Variants in POC1B observed in about 807,000 individuals in gnomAD.
POC1B encodes the protein POC1 centriolar protein homolog B.
In POC1B, 44 loss-of-function variants were observed where a neutral mutation model predicts 60.6. The observed-to-expected ratio is 0.73, with a 90% CI of 0.57 to 0.93. POC1B has a LOEUF of 0.93. Ranked by LOEUF, POC1B falls within the 40% of genes least tolerant of loss-of-function variation. The probability of loss-of-function intolerance (pLI) is 0.00; values close to 1 mark genes in which losing one functional copy is unlikely to be tolerated. For missense variants in POC1B, 555 were observed against 572.3 expected (o/e 0.97, Z 0.31); for synonymous variants, 180 against 198.9 (o/e 0.90, Z 0.80).
At chr12:89,438,161 TAAA>T (rs964917717) in intron 10 of POC1B, among the ~76,000 whole-genome samples, 1 of 150,264 alleles carries the variant, frequency 6.7e-6, no homozygotes, top group African/African-American at 2.4e-5. Flanking sequence ...ATTACTCCAT[TAAA>T]AAAGCTCTTC....
chr12:89,469,081 A>G (rs1391372939), intron 7 of POC1B, among the ~76,000 whole-genome samples: 1 of 152,142 alleles, frequency 6.6e-6, no homozygotes, highest in Non-Finnish European at 1.5e-5. Context: ...CCTGGCCAAC[A>G]TGGTGAAACC....
intron 7 of POC1B, among the ~76,000 whole-genome samples, chr12:89,469,213 T>C (rs1882797103): frequency 6.6e-6 from 1 of 152,146 alleles, no homozygotes; most frequent in African/African-American, 2.4e-5. Flanking sequence ...TGAGCCGAGA[T>C]TGTGCCACTG....
chr12:89,499,931 T>C (rs1000328625), intron 2 of POC1B, among the ~76,000 whole-genome samples: 2 of 152,264 alleles, frequency 1.3e-5, no homozygotes, highest in African/African-American at 4.8e-5. Context: ...GGCGCACGCC[T>C]TCCAGATCGC....
intron 2 of POC1B, among the ~76,000 whole-genome samples, chr12:89,508,666 TC>T (rs1232852913): frequency 1.3e-5 from 2 of 152,208 alleles, no homozygotes; most frequent in Admixed American, 6.5e-5. Flanking sequence ...GAAAATCTCA[TC>T]TTGAATTGTA....
intron 2 of POC1B, among the ~76,000 whole-genome samples, chr12:89,498,471 GT>G (rs1156508283): frequency 1.3e-5 from 2 of 152,188 alleles, no homozygotes; most frequent in African/African-American, 4.8e-5. Flanking sequence ...AAAATGTAAT[GT>G]TATAAATTCG....
rs184077183 is a variant in POC1B at position 89,479,372 on chromosome 12, C to G, written c.453-7097G>C. Reference sequence around the variant, plus strand: ...TCATTTCAAATTATACTGAAAGCACCACCTTTGAATACAAAGCTTTTTCAT... The same window carrying G: ...TCATTTCAAATTATACTGAAAGCACGACCTTTGAATACAAAGCTTTTTCAT... On this transcript the variant is annotated intron_variant, in intron 4 of 11. Coordinates refer to ENST00000313546, the MANE Select transcript of POC1B (RefSeq NM_172240.3). Among the ~76,000 whole-genome samples, 152 of 151,988 alleles carry G rather than the reference C, an allele frequency of 1.0e-3. 2 individuals are homozygous for G. Among genetic ancestry groups the G allele is most frequent in the African/African-American group, 3.6e-3 (149 of 41,478 alleles).
At chr12:89,518,370 GTAT>G (rs1367908494) in intron 2 of POC1B, among the ~76,000 whole-genome samples, 2 of 152,252 alleles carry the variant, frequency 1.3e-5, no homozygotes, top group Admixed American at 6.5e-5. Flanking sequence ...AATGATTCAA[GTAT>G]TATTAATACT....
the POC1B span, among the ~76,000 whole-genome samples, chr12:89,405,458 C>T: frequency 0.52 from 78,537 of 151,876 alleles, 22,259 homozygotes; most frequent in Non-Finnish European, 0.64. Flanking sequence ...GCCTGGCCAA[C>T]GTGGTGAAAA....
intron 2 of POC1B, chr12:89,524,617 C>T: frequency 6.5e-7 from 1 of 1,531,034 alleles, no homozygotes. Context: ...GCGGCGGAAC[C>T]CACAGCTCGA....
intron 4 of POC1B, chr12:89,485,438 A>G (rs750209900): frequency 9.2e-5 from 14 of 152,266 alleles, no homozygotes; most frequent in Non-Finnish European, 1.3e-4. Flanking sequence ...CAAGAAGATG[A>G]AATCCTTATT....
At chr12:89,492,305 T>C (rs1266900090) in intron 3 of POC1B, among the ~76,000 whole-genome samples, 190 bp from the exon 4 acceptor site, 2 of 152,150 alleles carry the variant, frequency 1.3e-5, no homozygotes, top group Non-Finnish European at 2.9e-5. Context: ...CCATGAAATT[T>C]CAGGTGTTGA....
intron 1 of POC1B, chr12:89,525,659 G>C: frequency 7.9e-7 from 1 of 1,264,318 alleles, no homozygotes; most frequent in Non-Finnish European, 1.0e-6. Context: ...CGGAGCTCCG[G>C]AACTCGGGGA....
the POC1B span, among the ~76,000 whole-genome samples, chr12:89,409,263 G>A: frequency 3.3e-4 from 50 of 152,214 alleles, no homozygotes; most frequent in Middle Eastern, 3.4e-3. Flanking sequence ...TAGGTCTTAC[G>A]TTTAAATCTT....
intron 2 of POC1B, chr12:89,523,367 A>T (rs1476504987): frequency 3.7e-6 from 6 of 1,613,938 alleles, no homozygotes; most frequent in Non-Finnish European, 5.1e-6. Flanking sequence ...TTTCTATTGT[A>T]GAAGTGCTCT....
chr12:89,482,351 G>A (rs895032694), intron 4 of POC1B, among the ~76,000 whole-genome samples: 2 of 152,122 alleles, frequency 1.3e-5, no homozygotes, highest in African/African-American at 2.4e-5. Flanking sequence ...ACAATATCAA[G>A]TGGTCAAACA....
intron 1 of POC1B, 95 bp downstream of exon 1, chr12:89,525,786 T>A: frequency 1.4e-6 from 2 of 1,380,330 alleles, no homozygotes; most frequent in Non-Finnish European, 1.9e-6. Context: ...CCTGCCTCCA[T>A]CTCCCTCCAG....
intron 2 of POC1B, among the ~76,000 whole-genome samples, chr12:89,499,022 C>T (rs1803074607): frequency 6.6e-6 from 1 of 152,052 alleles, no homozygotes; most frequent in South Asian, 2.1e-4. Context: ...GCGATCCTGG[C>T]TGAGACATGG....
At chr12:89,438,196 G>A (rs1474951488) in intron 10 of POC1B, among the ~76,000 whole-genome samples, 5 of 152,016 alleles carry the variant, frequency 3.3e-5, no homozygotes, top group South Asian at 4.1e-4. Context: ...GGTGGCTCAC[G>A]CCTGTAATCC....
intron 2 of POC1B, chr12:89,524,800 AG>A: frequency 1.6e-6 from 1 of 616,842 alleles, no homozygotes; most frequent in East Asian, 2.8e-5. Context: ...CAAACTCTCC[AG>A]CCAACACCCC....
Sources: gnomAD v4.1 joint callset for allele counts (sites outside exome capture counted in the v4.1 genomes callset) on GRCh38, gnomAD v4.1.1 for gene constraint, MANE v1.5 for transcripts, NCBI Gene and HGNC (gene_info 2026-07-23, HGNC 2026-07-21) for gene names.